The following NUMA1 variants were observed in gnomAD, a reference collection of about 807,000 sequenced individuals.
The protein encoded by NUMA1 is nuclear mitotic apparatus protein 1, also known as SP-H antigen.
A neutral mutation model predicts 237.1 loss-of-function variants in NUMA1; 62 were observed. The ratio of observed to expected loss-of-function variants is 0.26; its 90% CI spans 0.21 to 0.32. The LOEUF (loss-of-function observed/expected upper bound fraction) is 0.32. Ranked by LOEUF, NUMA1 falls within the 10% of genes least tolerant of loss-of-function variation. The pLI is 1.00. For missense variants in NUMA1, 2,533 were observed against 2,666.5 expected, an observed-to-expected ratio of 0.95 and a Z score of 1.10; for synonymous variants, 1,028 against 1,066.1, an observed-to-expected ratio of 0.96 and a Z score of 0.70.
intron 2 of NUMA1, among the ~76,000 whole-genome samples, chr11:72,061,145 G>C (rs991444735): frequency 6.6e-6 from 1 of 152,230 alleles, no homozygotes; most frequent in Non-Finnish European, 1.5e-5. Context: ...GCTGAGGCAG[G>C]AGGACCCCTT....
chr11:72,064,955 A>G (rs978411196), intron 2 of NUMA1, among the ~76,000 whole-genome samples: 19 of 152,202 alleles, frequency 1.2e-4, no homozygotes, highest in African/African-American at 4.6e-4. Flanking sequence ...CCCTCTCCCC[A>G]CATACTTGTG....
intron 2 of NUMA1, 104 bp from the exon 3 acceptor site, chr11:72,036,079 A>G (rs1940990158): frequency 1.2e-6 from 1 of 811,722 alleles, no homozygotes; most frequent in Non-Finnish European, 2.1e-6. Flanking sequence ...CACTTAAATC[A>G]CTCTTCACTG....
At chr11:72,031,691 G>A (rs1278854406) in intron 3 of NUMA1, among the ~76,000 whole-genome samples, 1 of 152,080 alleles carries the variant, frequency 6.6e-6, no homozygotes, top group African/African-American at 2.4e-5. Context: ...GTATGCTCGC[G>A]TAGTCCCTGC....
chr11:72,023,927 GC>G (rs1297731926), intron 5 of NUMA1: 2 of 240,316 alleles, frequency 8.3e-6, no homozygotes, highest in African/African-American at 4.6e-5. Context: ...AGTTTTTCTT[GC>G]AAGGGAAAGA....
intron 2 of NUMA1, chr11:72,049,282 G>A (rs1028141507): frequency 1.3e-5 from 2 of 152,004 alleles, no homozygotes; most frequent in Non-Finnish European, 2.9e-5. Context: ...AGCCTCCATA[G>A]TGGTAGAAAA....
chr11:72,014,658 GCTGT>G lies in NUMA1; in HGVS notation c.2841_2844del (p.Arg947SerfsTer41), dbSNP rs1565211763. On this transcript the variant is annotated frameshift_variant, in exon 15 of 27. Transcript: ENST00000393695. LOFTEE classifies it high-confidence loss of function. This position sits in a 1 kb window ranked among gnomAD's most constrained non-coding sequence, Gnocchi z 4.6. ...CCCTGTTGCTCTTCCAGCCACTCGG[GCTGT>G]CTGTCTCCTGCCCTCGCAGGCTCCT... 1 of 1,612,684 alleles carries G rather than the reference GCTGT, an allele frequency of 6.2e-7. No homozygotes were observed. The highest frequency in any genetic ancestry group is 1.7e-5 in the Admixed American group (1 of 60,030).
intron 4 of NUMA1, among the ~76,000 whole-genome samples, chr11:72,025,887 T>C (rs1939514911): frequency 6.6e-6 from 1 of 152,186 alleles, no homozygotes; most frequent in Non-Finnish European, 1.5e-5. Context: ...AAATGAGCCA[T>C]TTTCCCTACC....
At chr11:72,027,083 T>A (rs1939683531) in intron 4 of NUMA1, among the ~76,000 whole-genome samples, 1 of 152,118 alleles carries the variant, frequency 6.6e-6, no homozygotes, top group East Asian at 1.9e-4. Context: ...ACAACACACA[T>A]CCTTACTCTT....
intron 5 of NUMA1, 61 bp from the exon 6 acceptor site, chr11:72,023,208 A>T: frequency 8.1e-7 from 1 of 1,236,038 alleles, no homozygotes; most frequent in Non-Finnish European, 1.2e-6. Flanking sequence ...CTGAGATCCC[A>T]GAACACTGAA....
At chr11:72,034,360 C>T (rs1940735861) in intron 3 of NUMA1, among the ~76,000 whole-genome samples, 1 of 151,670 alleles carries the variant, frequency 6.6e-6, no homozygotes, top group Non-Finnish European at 1.5e-5. Context: ...TTTCATGGTG[C>T]CAAGAGAAAT....
chr11:72,037,285 C>T (rs996181036), intron 2 of NUMA1, among the ~76,000 whole-genome samples: 3 of 152,188 alleles, frequency 2.0e-5, no homozygotes, highest in Non-Finnish European at 2.9e-5. Context: ...GCGGGTGGAT[C>T]GCAAGGTCAG....
chr11:72,076,231 G>A (rs1002769969), intron 1 of NUMA1, among the ~76,000 whole-genome samples: 3 of 151,924 alleles, frequency 2.0e-5, no homozygotes, highest in African/African-American at 4.8e-5. Context: ...AAAATTTGCC[G>A]GGTATGGTGG....
Position 72,018,899 on chromosome 11 carries a change from C to A in NUMA1, c.666G>T (p.Gln222His), listed in dbSNP as rs1394094537. 3.7e-6 allele frequency: 6 copies of A among 1,614,100 alleles called. No homozygotes were observed. The African/African-American group carries it at 8.0e-5, about 22-fold the overall frequency. The change falls in exon 10 of 27, where the codon CAG becomes CAT. Residue 222 changes from glutamine (Q) to histidine (H), a missense_variant. Around this residue, in one of 3 missense-constraint regions of NUMA1, gnomAD observed 1,414 missense variants for 1,508.1 expected, o/e 0.94. Transcript: ENST00000393695. ...CCCTATTACTTCTCTCATCAGCAAG[C>A]TGCTTCTTCAGCCGTCTCATCTGGA... ...PQFQMRRLKK[Q>H]LADERSNRDE...
In NUMA1 at chr11:72,019,601, G is replaced by C. The variant is rs1938442592; in HGVS notation, c.477C>G (p.Thr159=). 1 of 1,613,552 alleles carries C rather than the reference G, an allele frequency of 6.2e-7. No individual in the cohort carries two copies. Among genetic ancestry groups the C allele is most frequent in the Non-Finnish European group, 8.5e-7 (1 of 1,179,728 alleles). The change falls in exon 9 of 27, where the codon ACC becomes ACG. Residue 159 remains threonine (T), a synonymous_variant. Coordinates refer to ENST00000393695, the MANE Select transcript of NUMA1 (RefSeq NM_006185.4). ...NFLQKAPVPS[T]CSSTFPEELS... ...GCTCTTCAGGGAATGTGCTAGAACA[G>C]GTAGAAGGCACAGGAGCTGGGGGTA...
At chr11:72,074,181 C>T (rs187685779) in intron 1 of NUMA1, among the ~76,000 whole-genome samples, 4 of 15,664 alleles carry the variant, frequency 2.6e-4, no homozygotes, top group Admixed American at 8.9e-4. Context: ...GCACCAGGAG[C>T]GAAACTCCAT....
Position 72,014,826 on chromosome 11 carries a change from C to T in NUMA1, c.2677G>A (p.Val893Ile). The T allele has an allele frequency of 6.2e-7, 1 of 1,614,238 alleles. No homozygotes were observed. The highest frequency in any genetic ancestry group is 8.5e-7 in the Non-Finnish European group (1 of 1,180,040). The change falls in exon 15 of 27, where the codon GTC (valine) becomes ATC (isoleucine). Residue 893 changes from valine (V) to isoleucine (I), a missense_variant. Val to Ile is a conservative substitution (Grantham distance 29). Around this residue, in one of 3 missense-constraint regions of NUMA1, gnomAD observed 1,414 missense variants for 1,508.1 expected, o/e 0.94. Coordinates refer to ENST00000393695, the MANE Select transcript of NUMA1 (RefSeq NM_006185.4). The surrounding 1 kb of genome is among the most constrained non-coding windows in gnomAD (Gnocchi z 4.6). ...RALQQVQEKE[V>I]RAQKLADDLS... ...TCATCTGCAAGCTTCTGGGCCCTGA[C>T]TTCCTTCTCTTGGACCTGCTGGAGT...
Position 72,014,042 on chromosome 11 carries a change from C to G in NUMA1, c.3461G>C (p.Arg1154Pro). The change falls in exon 15 of 27, where the codon CGG becomes CCG. Residue 1154 changes from arginine (R) to proline (P), a missense_variant. Around this residue, in one of 3 missense-constraint regions of NUMA1, gnomAD observed 1,414 missense variants for 1,508.1 expected, o/e 0.94. Coordinates refer to ENST00000393695, the MANE Select transcript of NUMA1 (RefSeq NM_006185.4). This position sits in a 1 kb window ranked among gnomAD's most constrained non-coding sequence, Gnocchi z 4.6. Reference sequence around the variant, plus strand: ...ACTGTCCCGCTCAGCCCGGGAGGCCCGCTCAGCCTCGAGGCTGCGTTCCAG... The same window carrying G: ...ACTGTCCCGCTCAGCCCGGGAGGCCGGCTCAGCCTCGAGGCTGCGTTCCAG... The part of the protein sequence containing the change: ...DSLERSLEAE[R>P]ASRAERDSAL... 1 of 1,610,960 alleles carries G rather than the reference C, an allele frequency of 6.2e-7. No individual in the cohort carries two copies. Among genetic ancestry groups the G allele is most frequent in the Non-Finnish European group, 8.5e-7 (1 of 1,179,988 alleles).
At position 72,004,905 on chromosome 11, in the gene NUMA1, G is replaced by A. The variant is rs753658384; in HGVS notation, c.5830-89C>T. On this transcript the variant is annotated intron_variant, in intron 23 of 26. Transcript: ENST00000393695. Reference sequence around the variant, plus strand: ...CTGTCCCAGAACTCTACACTCGCCCGACACTTATGGTCGGGACCCTTCCTG... The same window carrying A: ...CTGTCCCAGAACTCTACACTCGCCCAACACTTATGGTCGGGACCCTTCCTG... The A allele has an allele frequency of 1.8e-4, 232 of 1,286,658 alleles. 1 individual carries two copies. The highest frequency in any genetic ancestry group is 2.3e-4 in the Non-Finnish European group (221 of 950,096). 79.7% of individuals were successfully genotyped at this position (1,286,658 alleles called of 1,614,324 possible).
chr11:72,064,563 T>C (rs1195119091), intron 2 of NUMA1, among the ~76,000 whole-genome samples: 1 of 152,190 alleles, frequency 6.6e-6, no homozygotes, highest in Non-Finnish European at 1.5e-5. Context: ...CTGGGTGCAG[T>C]GGCATATGCC....
Sources: gnomAD v4.1 joint callset for allele counts (sites outside exome capture counted in the v4.1 genomes callset) on GRCh38, gnomAD v4.1.1 for gene constraint, gnomAD v4.1.1 regional missense constraint, Gnocchi (gnomAD v3.1) non-coding constraint, MANE v1.5 for transcripts, NCBI Gene and HGNC (gene_info 2026-07-23, HGNC 2026-07-21) for gene names.